Variants in CNTN1 observed in about 807,000 individuals in gnomAD.
The protein encoded by CNTN1 is contactin-1.
Under a neutral mutation model 126.4 loss-of-function variants are expected in CNTN1, and 38 were observed. The observed-to-expected ratio is 0.30, with a 90% CI of 0.23 to 0.39. The LOEUF (loss-of-function observed/expected upper bound fraction) is 0.39. Among genes scored for constraint, CNTN1 ranks in the 10% least tolerant of loss-of-function variants. The pLI, the probability that CNTN1 is intolerant of heterozygous loss-of-function variation, is 1.00. For missense variants in CNTN1, 1,009 were observed against 1,248.4 expected, an observed-to-expected ratio of 0.81 and a Z score of 2.89; for synonymous variants, 413 against 422.6, an observed-to-expected ratio of 0.98 and a Z score of 0.28.
At chr12:40,844,069 A>AT (rs397957366) in intron 1 of CNTN1, among the ~76,000 whole-genome samples, 41,513 of 84,774 alleles carry the variant, frequency 0.49, 14,407 homozygotes, top group South Asian at 0.67. Context: ...TGGCACAATG[A>AT]TTTTTTTTTT....
rs192063409 is a variant in CNTN1 at position 40,963,241 on chromosome 12, C to T, written c.1804+4007C>T. Among the ~76,000 whole-genome samples, 183 of 152,134 alleles carry T rather than the reference C, an allele frequency of 1.2e-3. 2 individuals are homozygous for T. In the East Asian group the frequency reaches 0.026, roughly 22 times the overall value. On this transcript the variant is annotated intron_variant, in intron 15 of 23. Transcript: ENST00000551295. The stretch of plus-strand genomic sequence containing the variant: ...CTGAGCAACATGGCAAAAAACCCGT[C>T]TCTACCAAAAATACAAAAATAAGCT...
At chr12:40,792,259 T>G (rs1364422900) in intron 1 of CNTN1, among the ~76,000 whole-genome samples, 1 of 152,042 alleles carries the variant, frequency 6.6e-6, no homozygotes, top group East Asian at 1.9e-4. Context: ...CTTTTTAATT[T>G]TGTTTGGAAT....
At chr12:40,988,802 A>G (rs958210900) in intron 16 of CNTN1, among the ~76,000 whole-genome samples, 4 of 152,116 alleles carry the variant, frequency 2.6e-5, no homozygotes, top group Non-Finnish European at 5.9e-5. Flanking sequence ...TTAAAGAACT[A>G]CCCATTTAAT....
At chr12:41,015,340 A>G (rs1266845201) in intron 18 of CNTN1, among the ~76,000 whole-genome samples, 1 of 152,188 alleles carries the variant, frequency 6.6e-6, no homozygotes, top group Admixed American at 6.5e-5. Context: ...GATATCTGCT[A>G]CAGAATAAGA....
rs11178105 is a variant in CNTN1 at position 40,729,024 on chromosome 12, G to A, written c.-77+36432G>A. The A allele has an allele frequency of 1.5e-3, 223 of 153,516 alleles. 4 individuals are homozygous for A. In the East Asian group the frequency reaches 0.039, roughly 27 times the overall value. 9.5% of individuals were successfully genotyped at this position (153,516 alleles called of 1,614,324 possible). A position where few individuals can be genotyped will look rare whatever the true frequency, so the allele number is the denominator to read the frequency against. ...TAGAAGGTGATATTAACACTGACCC[G>A]TGGGCCAGTGTTAATATCCATACAC... On this transcript the variant is annotated intron_variant, in intron 1 of 23. Coordinates refer to ENST00000551295, the MANE Select transcript of CNTN1 (RefSeq NM_001843.4).
chr12:40,812,872 T>C (rs1396080370), intron 1 of CNTN1, among the ~76,000 whole-genome samples: 4 of 152,036 alleles, frequency 2.6e-5, no homozygotes, highest in Admixed American at 6.6e-5. Flanking sequence ...GTATCTTTTG[T>C]TGAGAGAATT....
At chr12:40,871,557 C>T (rs12301919) in intron 1 of CNTN1, among the ~76,000 whole-genome samples, 87,259 of 151,922 alleles carry the variant, frequency 0.57, 25,456 homozygotes, top group African/African-American at 0.66. Context: ...AGAAGAAGGA[C>T]AATCAGTAAT....
At chr12:40,913,167 T>G (rs1410038859) in intron 3 of CNTN1, among the ~76,000 whole-genome samples, 5 of 152,230 alleles carry the variant, frequency 3.3e-5, no homozygotes, top group Non-Finnish European at 2.9e-5. Flanking sequence ...TCTGCAAGTT[T>G]TTGAGGCCAA....
At chr12:40,950,163 T>G (rs928362621) in intron 14 of CNTN1, among the ~76,000 whole-genome samples, 1 of 150,604 alleles carries the variant, frequency 6.6e-6, no homozygotes, top group African/African-American at 2.4e-5. Flanking sequence ...ATTTAGCTAT[T>G]AAATATCCTA....
In CNTN1 at chr12:40,804,082, G is replaced by A. The variant is rs142130380; in HGVS notation, c.-76-104275G>A. Among the ~76,000 whole-genome samples the A allele has an allele frequency of 1.5e-4, 23 of 151,988 alleles. No individual in the cohort carries two copies. The East Asian group carries it at 2.5e-3, about 17-fold the overall frequency. On this transcript the variant is annotated intron_variant, in intron 1 of 23. Transcript: ENST00000551295. The stretch of plus-strand genomic sequence containing the variant: ...AATTGCTCTAGAGACTACTGAATGC[G>A]GTAATGTGACTCTCATTAAATGAAT...
intron 1 of CNTN1, among the ~76,000 whole-genome samples, chr12:40,772,352 C>A (rs1299788253): frequency 2.0e-5 from 3 of 151,846 alleles, no homozygotes; most frequent in Non-Finnish European, 2.9e-5. Context: ...TGTCTTATCA[C>A]AATGTAATAG....
intron 1 of CNTN1, among the ~76,000 whole-genome samples, chr12:40,898,454 T>G (rs1944491073): frequency 6.6e-6 from 1 of 152,200 alleles, no homozygotes; most frequent in African/African-American, 2.4e-5. Flanking sequence ...GATGTCTGCA[T>G]GGTTAAATTG....
At chr12:40,852,992 G>C (rs1321810600) in intron 1 of CNTN1, among the ~76,000 whole-genome samples, 1 of 151,546 alleles carries the variant, frequency 6.6e-6, no homozygotes, top group Non-Finnish European at 1.5e-5. Context: ...GGACTTATTG[G>C]AATGTATTTT....
chr12:40,968,730 A>T (rs1041176061), intron 15 of CNTN1, among the ~76,000 whole-genome samples: 2 of 152,166 alleles, frequency 1.3e-5, no homozygotes, highest in African/African-American at 4.8e-5. Context: ...AAGGAAGTTT[A>T]AAAAAGAAAA....
chr12:41,057,499 A>T (rs2121080227), intron 23 of CNTN1, among the ~76,000 whole-genome samples: 1 of 152,122 alleles, frequency 6.6e-6, no homozygotes, highest in East Asian at 1.9e-4. Flanking sequence ...TAAAAAATCA[A>T]CCTATGGCTA....
At chr12:40,819,611 G>A (rs1941379333) in intron 1 of CNTN1, among the ~76,000 whole-genome samples, 1 of 152,172 alleles carries the variant, frequency 6.6e-6, no homozygotes, top group East Asian at 1.9e-4. Context: ...AGCATGTTAG[G>A]CATTGTAGGT....
chr12:40,718,598 G>A (rs934976478), intron 1 of CNTN1, among the ~76,000 whole-genome samples: 1 of 152,158 alleles, frequency 6.6e-6, no homozygotes, highest in African/African-American at 2.4e-5. Context: ...GGGCAAAAAA[G>A]GAAGCCTCTA....
intron 1 of CNTN1, among the ~76,000 whole-genome samples, chr12:40,731,066 A>G (rs1277825712): frequency 6.6e-6 from 1 of 152,104 alleles, no homozygotes; most frequent in Non-Finnish European, 1.5e-5. Flanking sequence ...GAGGAGAGTA[A>G]AGAAGAAAAA....
At chr12:41,032,603 A>G (rs1949171321) in intron 23 of CNTN1, among the ~76,000 whole-genome samples, 1 of 152,110 alleles carries the variant, frequency 6.6e-6, no homozygotes, top group African/African-American at 2.4e-5. Flanking sequence ...GGATCTTGGC[A>G]TGTTAGTTTC....
Sources: allele counts gnomAD v4.1 joint callset (sites outside exome capture counted in the v4.1 genomes callset), GRCh38; gene constraint gnomAD v4.1.1; transcripts MANE v1.5; gene names NCBI Gene and HGNC (gene_info 2026-07-23, HGNC 2026-07-21).